ANXA3: variants seen among roughly 807,000 people sequenced by gnomAD.
ANXA3 encodes the protein annexin A3.
ANXA3 carries 46 observed loss-of-function variants against 48.8 expected under a neutral mutation model. The ratio of observed to expected loss-of-function variants is 0.94; its 90% CI spans 0.74 to 1.21. ANXA3 has a LOEUF of 1.21. ANXA3 is among the 50% of genes most tolerant of loss of function. ANXA3 has a pLI of 0.00. For missense variants in ANXA3, 383 were observed against 378.6 expected, an observed-to-expected ratio of 1.01 and a Z score of -0.10; for synonymous variants, 128 against 134.7, an observed-to-expected ratio of 0.95 and a Z score of 0.35.
intron 2 of ANXA3, among the ~76,000 whole-genome samples, chr4:78,554,698 C>A (rs1722475177): frequency 6.6e-6 from 1 of 151,792 alleles, no homozygotes; most frequent in African/African-American, 2.4e-5. Flanking sequence ...TATGATGACA[C>A]CAAGGCGGAA....
At chr4:78,575,128 G>A (rs1722920427) in intron 3 of ANXA3, among the ~76,000 whole-genome samples, 1 of 152,042 alleles carries the variant, frequency 6.6e-6, no homozygotes. Context: ...ATGCAGTTAA[G>A]CATCCTCACT....
chr4:78,553,470 A>C (rs1406256464), intron 1 of ANXA3, among the ~76,000 whole-genome samples: 1 of 152,228 alleles, frequency 6.6e-6, no homozygotes, highest in Non-Finnish European at 1.5e-5. Context: ...ATTGAGGCCC[A>C]AAGAAATTGT....
chr4:78,591,196 G>A (rs1723288079), intron 6 of ANXA3, among the ~76,000 whole-genome samples: 1 of 152,198 alleles, frequency 6.6e-6, no homozygotes, highest in Non-Finnish European at 1.5e-5. Flanking sequence ...GGTTCTCTTA[G>A]TATGGAAGAT....
rs79349489 is a variant in ANXA3 at position 78,566,021 on chromosome 4, A to T, written c.16-7159A>T. Among the ~76,000 whole-genome samples the T allele has an allele frequency of 6.6e-3, 1,002 of 152,278 alleles. 8 individuals carry two copies. Among genetic ancestry groups the T allele is most frequent in the African/African-American group, 0.023 (946 of 41,548 alleles). Reference sequence around the variant, plus strand: ...GCAGGATTAGAGGGAAAGAAAAGAGAGAGCCACTTTCCACTTTAGAATTGC... The same window carrying T: ...GCAGGATTAGAGGGAAAGAAAAGAGTGAGCCACTTTCCACTTTAGAATTGC... On this transcript the variant is annotated intron_variant, in intron 2 of 12. Coordinates refer to ENST00000264908, the MANE Select transcript of ANXA3 (RefSeq NM_005139.3).
chr4:78,602,766 A>G (rs1200461621), intron 11 of ANXA3: 2 of 152,540 alleles, frequency 1.3e-5, no homozygotes, highest in Middle Eastern at 3.4e-3. Flanking sequence ...CATCTCGCCC[A>G]GCCCCACATC....
intron 12 of ANXA3, among the ~76,000 whole-genome samples, chr4:78,607,902 G>A (rs1210127852): frequency 6.6e-6 from 1 of 152,126 alleles, no homozygotes; most frequent in African/African-American, 2.4e-5. Flanking sequence ...GGTCTTAAAA[G>A]TAAATGCTCT....
chr4:78,606,713 A>G (rs762032586), intron 12 of ANXA3, among the ~76,000 whole-genome samples: 4 of 152,222 alleles, frequency 2.6e-5, no homozygotes, highest in Non-Finnish European at 5.9e-5. Flanking sequence ...CAATCAGTCA[A>G]CTAGATTCAT....
At chr4:78,552,259 G>C (rs1722407710) in intron 1 of ANXA3, 1 of 152,428 alleles carries the variant, frequency 6.6e-6, no homozygotes, top group African/African-American at 2.4e-5. Flanking sequence ...AAAAAAGCTG[G>C]GAGTCGGAAG....
intron 7 of ANXA3, 104 bp from the exon 8 acceptor site, chr4:78,595,277 C>A: frequency 1.6e-6 from 2 of 1,242,190 alleles, no homozygotes; most frequent in Non-Finnish European, 1.2e-6. Context: ...TGCAACCTGT[C>A]CTGCCTTAAA....
intron 7 of ANXA3, among the ~76,000 whole-genome samples, chr4:78,593,803 ATTTTTTTTTTTTTT>A (rs60515646): frequency 1.1e-5 from 1 of 88,742 alleles, no homozygotes; most frequent in Admixed American, 1.4e-4. Context: ...CATTCAGCTA[ATTTTTTTTTTTTTT>A]TTTTTTTTTT....
rs975711727 is a variant in ANXA3 at position 78,604,367 on chromosome 4, C to G, written c.880C>G (p.His294Asp). The change falls in exon 12 of 13, where the codon CAT becomes GAT. Residue 294 changes from histidine to aspartate, a missense_variant. Physicochemically the swap from His to Asp is moderately conservative, Grantham distance 81 (BLOSUM62 -1). Transcript: ENST00000264908. ...GGACATTCGAACAGAGTTCAAGAAG[C>G]ATTATGGCTATTCCCTATATTCAGC... ...LLDIRTEFKK[H>D]YGYSLYSAIK... 4 of 1,612,904 alleles carry G rather than the reference C, an allele frequency of 2.5e-6. No individual in the cohort carries two copies. The highest frequency in any genetic ancestry group is 3.4e-6 in the Non-Finnish European group (4 of 1,179,398).
rs1560446016 is a variant in ANXA3 at position 78,582,174 on chromosome 4, TAGG to T, written c.199_201del (p.Glu67del). ...ATTTTTCCCCTTGGTTTTTTGATTT[TAGG>T]AGCTGAAAGATGACTTGAAGGGTGA... On this transcript the variant is annotated splice_acceptor_variant and coding_sequence_variant, in exon 5 of 13. Transcript: ENST00000264908. LOFTEE classifies it high-confidence loss of function. 6.3e-7 allele frequency: 1 copy of T among 1,594,554 alleles called. No homozygotes were observed. Among genetic ancestry groups the T allele is most frequent in the Admixed American group, 1.7e-5 (1 of 57,734 alleles).
intron 2 of ANXA3, among the ~76,000 whole-genome samples, chr4:78,562,426 G>C (rs1286832925): frequency 6.6e-6 from 1 of 152,196 alleles, no homozygotes; most frequent in Non-Finnish European, 1.5e-5. Context: ...AATAGGAGTA[G>C]TGACAGTCCC....
chr4:78,596,960 T>C (rs1723435036), intron 9 of ANXA3: 1 of 203,812 alleles, frequency 4.9e-6, no homozygotes, highest in Non-Finnish European at 9.7e-6. Context: ...TGACTAGTGA[T>C]TATAGTATCA....
intron 5 of ANXA3, 184 bp downstream of exon 5, chr4:78,582,474 G>A: frequency 8.2e-6 from 4 of 485,390 alleles, no homozygotes; most frequent in Non-Finnish European, 1.1e-5. Flanking sequence ...ATGTTCCTGG[G>A]CTGGAAGAAT....
At chr4:78,568,487 G>T (rs1197400047) in intron 2 of ANXA3, among the ~76,000 whole-genome samples, 1 of 152,130 alleles carries the variant, frequency 6.6e-6, no homozygotes, top group African/African-American at 2.4e-5. Flanking sequence ...CCTTTATAGG[G>T]CTTTCTGAAG....
intron 2 of ANXA3, among the ~76,000 whole-genome samples, chr4:78,570,692 A>C (rs1344677753): frequency 6.6e-6 from 1 of 152,192 alleles, no homozygotes; most frequent in Non-Finnish European, 1.5e-5. Context: ...GGTCTTCTTA[A>C]ATCTTGGTGC....
chr4:78,569,909 A>G lies in ANXA3; in HGVS notation c.16-3271A>G, dbSNP rs1158553747. 2.0e-5 allele frequency among the ~76,000 whole-genome samples: 3 copies of G among 152,338 alleles called. No homozygotes were observed. The East Asian group carries it at 5.8e-4, about 29-fold the overall frequency. On this transcript the variant is annotated intron_variant, in intron 2 of 12. Coordinates refer to ENST00000264908, the MANE Select transcript of ANXA3 (RefSeq NM_005139.3). ...TGAGACTGGGTTTCTTCCATTTTCAATTAGAAATAATAAAATTCACCTCAT... is the reference window on the plus strand; with the variant it reads ...TGAGACTGGGTTTCTTCCATTTTCAGTTAGAAATAATAAAATTCACCTCAT...
chr4:78,591,716 T>C (rs1294807013), intron 7 of ANXA3, 93 bp downstream of exon 7: 2 of 866,550 alleles, frequency 2.3e-6, no homozygotes, highest in Non-Finnish European at 3.8e-6. Flanking sequence ...ACTGAGACAA[T>C]GAGTTCACAA....
Sources: allele counts gnomAD v4.1 joint callset (sites outside exome capture counted in the v4.1 genomes callset), GRCh38; gene constraint gnomAD v4.1.1; transcripts MANE v1.5; gene names NCBI Gene and HGNC (gene_info 2026-07-23, HGNC 2026-07-21).